COL5A1: variants seen among roughly 807,000 people sequenced by gnomAD.
COL5A1 encodes the protein collagen type V alpha 1 chain.
COL5A1 carries 16 observed loss-of-function variants against 263.7 expected under a neutral mutation model. That is an observed-to-expected ratio of 0.06 (90% CI 0.04 to 0.09). The LOEUF is 0.09. COL5A1 is among the 10% of genes least tolerant of loss of function. The probability of loss-of-function intolerance (pLI) is 1.00; values close to 1 mark genes in which losing one functional copy is unlikely to be tolerated. For synonymous variants in COL5A1, 1,012 were observed against 1,004.5 expected (o/e 1.01, Z -0.14); for missense variants, 2,036 against 2,540.5 (o/e 0.80, Z 4.27).
intron 4 of COL5A1, among the ~76,000 whole-genome samples, chr9:134,703,510 G>C (rs371194918): frequency 1.3e-5 from 2 of 152,166 alleles, no homozygotes; most frequent in East Asian, 1.9e-4. Flanking sequence ...TACCTGCACA[G>C]CTGCAGGGGA....
chr9:134,800,274 A>G (rs1379577918), intron 37 of COL5A1, among the ~76,000 whole-genome samples: 2 of 150,378 alleles, frequency 1.3e-5, no homozygotes, highest in African/African-American at 2.5e-5. Flanking sequence ...CAAGGCTCCG[A>G]TCTCCCTTCA....
At chr9:134,663,545 A>G (rs914946597) in intron 1 of COL5A1, among the ~76,000 whole-genome samples, 2 of 152,198 alleles carry the variant, frequency 1.3e-5, no homozygotes, top group African/African-American at 4.8e-5. Flanking sequence ...TTTAATATCT[A>G]TTTTTAATGA....
At chr9:134,654,130 TGCTGGGGGTGTGTAGG>T (rs1179636978) in intron 1 of COL5A1, among the ~76,000 whole-genome samples, 1 of 17,954 alleles carries the variant, frequency 5.6e-5, no homozygotes, top group East Asian at 1.6e-3. Flanking sequence ...GGGTGTGTAG[TGCTGGGGGTGTGTAGG>T]GCTGGGGGTA....
chr9:134,820,246 C>T (rs1437698202), intron 58 of COL5A1, 23 bp downstream of exon 58: 1 of 1,582,380 alleles, frequency 6.3e-7, no homozygotes, highest in Non-Finnish European at 8.7e-7. Context: ...GCACTTCTTG[C>T]ATGTGGGCTG....
At position 134,795,391 on chromosome 9, in the gene COL5A1, G is replaced by A. The variant is rs1203237385; in HGVS notation, c.2799+76G>A. 7.0e-6 allele frequency: 9 copies of A among 1,293,866 alleles called. No individual in the cohort carries two copies. The East Asian group carries it at 1.2e-4, about 17-fold the overall frequency. The allele number at this position is 1,293,866 out of a possible 1,614,324, so 80.1% of individuals were successfully genotyped here. A position where few individuals can be genotyped will look rare whatever the true frequency, so the allele number is the denominator to read the frequency against. On this transcript the variant is annotated intron_variant, in intron 34 of 65. Coordinates refer to ENST00000371817, the MANE Select transcript of COL5A1 (RefSeq NM_000093.5). ...GCTACAGAGACGTGGAGCGTCTGAG[G>A]GTGTCTGTGACCTTTTTTATTAAAA...
At chr9:134,826,325 C>T (rs1278714188) in intron 63 of COL5A1, among the ~76,000 whole-genome samples, 3 of 152,350 alleles carry the variant, frequency 2.0e-5, no homozygotes, top group South Asian at 4.1e-4. Flanking sequence ...TTCTTATTAT[C>T]CAGCCTGTTT....
chr9:134,784,145 C>T (rs1276640312), intron 29 of COL5A1, among the ~76,000 whole-genome samples: 3 of 152,130 alleles, frequency 2.0e-5, no homozygotes, highest in African/African-American at 4.8e-5. Context: ...AAATGTGTGC[C>T]GGGTTATTTT....
At chr9:134,667,520 C>T (rs6537939) in intron 1 of COL5A1, among the ~76,000 whole-genome samples, 35,561 of 152,082 alleles carry the variant, frequency 0.23, 5,226 homozygotes, top group African/African-American at 0.41. Flanking sequence ...CCCTGGTGCT[C>T]ACTTGTCACT....
intron 24 of COL5A1, among the ~76,000 whole-genome samples, chr9:134,767,974 T>C (rs1314343117): frequency 6.6e-6 from 1 of 152,168 alleles, no homozygotes; most frequent in Non-Finnish European, 1.5e-5. Flanking sequence ...GAGCTGCTGT[T>C]TATGGGATAC....
At chr9:134,788,976 A>T (rs1009558029) in intron 31 of COL5A1, among the ~76,000 whole-genome samples, 179 bp from the exon 32 acceptor site, 17 of 131,094 alleles carry the variant, frequency 1.3e-4, no homozygotes, top group South Asian at 2.7e-4. Context: ...AGGTAGATGG[A>T]TGAGTAGGTG....
In COL5A1 at chr9:134,804,981, C is replaced by G. The variant is rs751792216; in HGVS notation, c.3121C>G (p.Pro1041Ala). ...LAGKEGTKGD[P>A]GPAGLPGKDG... The stretch of plus-strand genomic sequence containing the variant: ...TCTCTGACTCTGTTTTCAGGGTGAC[C>G]CAGGCCCTGCAGGCCTCCCTGGGAA... Residue 1041 changes from proline to alanine, a missense_variant, in exon 40 of 66, where the codon CCA (proline) becomes GCA (alanine). By Grantham distance (27) the Pro-to-Ala change is conservative. This residue lies in a region of COL5A1 where 1,078 missense variants were observed against 1,521.4 expected (regional missense o/e 0.71). Coordinates refer to ENST00000371817, the MANE Select transcript of COL5A1 (RefSeq NM_000093.5). 1 of 1,613,326 alleles carries G rather than the reference C, an allele frequency of 6.2e-7. No homozygotes were observed. Among genetic ancestry groups the G allele is most frequent in the East Asian group, 2.2e-5 (1 of 44,870 alleles).
chr9:134,661,542 C>T (rs536112446), intron 1 of COL5A1, among the ~76,000 whole-genome samples: 27 of 151,956 alleles, frequency 1.8e-4, no homozygotes, highest in African/African-American at 3.6e-4. Flanking sequence ...TCTGTGAGGA[C>T]GTGCCCAGTT....
chr9:134,731,221 T>TG (rs1834867953), intron 7 of COL5A1, among the ~76,000 whole-genome samples: 3 of 152,154 alleles, frequency 2.0e-5, no homozygotes, highest in Non-Finnish European at 4.4e-5. Context: ...CCTGGGGCTG[T>TG]GGGGTGCAGC....
intron 1 of COL5A1, among the ~76,000 whole-genome samples, chr9:134,668,942 T>TCCA (rs1832439276): frequency 9.0e-6 from 1 of 110,854 alleles, no homozygotes. Flanking sequence ...CATCCATCCT[T>TCCA]CCACCCACCC....
In COL5A1 at chr9:134,742,689, G is replaced by A. The variant is rs973296987; in HGVS notation, c.1494+3881G>A. Among the ~76,000 whole-genome samples the A allele has an allele frequency of 6.6e-5, 10 of 152,224 alleles. No homozygotes were observed. Among genetic ancestry groups the A allele is most frequent in the Non-Finnish European group, 1.3e-4 (9 of 68,038 alleles). On this transcript the variant is annotated intron_variant, in intron 11 of 65. Coordinates refer to ENST00000371817, the MANE Select transcript of COL5A1 (RefSeq NM_000093.5). This position sits in a 1 kb window ranked among gnomAD's most constrained non-coding sequence, Gnocchi z 4.6. Reference sequence around the variant, plus strand: ...TGGGTTTCTTGTGGGTCTGGCTTCTGTGCCACCTGCCAGTGCGTTTCTGTA... The same window carrying A: ...TGGGTTTCTTGTGGGTCTGGCTTCTATGCCACCTGCCAGTGCGTTTCTGTA...
intron 28 of COL5A1, among the ~76,000 whole-genome samples, chr9:134,782,201 A>G (rs1201050780): frequency 2.0e-5 from 3 of 152,170 alleles, no homozygotes; most frequent in Admixed American, 2.0e-4. Flanking sequence ...TACCCTTCAG[A>G]AAGCACTGCC....
chr9:134,763,725 G>A lies in COL5A1; in HGVS notation c.2022G>A (p.Leu674=). Residue 674 remains leucine, a synonymous_variant, in exon 20 of 66, where the codon CTG becomes CTA. Coordinates refer to ENST00000371817, the MANE Select transcript of COL5A1 (RefSeq NM_000093.5). ...ACGGAGAAGTTGGGCCCAGGGGGCT[G>A]CCTGGGGAGCCCGTAAGTCTGTGAG... is the stretch of plus-strand genomic sequence containing the variant. The part of the protein sequence containing the change: ...GDDGEVGPRG[L]PGEPGPRGLL... The A allele has an allele frequency of 6.2e-7, 1 of 1,613,682 alleles. No individual in the cohort carries two copies. The highest frequency in any genetic ancestry group is 8.5e-7 in the Non-Finnish European group (1 of 1,179,744).
Position 134,742,863 on chromosome 9 carries a change from C to T in COL5A1, c.1494+4055C>T, listed in dbSNP as rs1835348401. Among the ~76,000 whole-genome samples, 1 of 152,226 alleles carries T rather than the reference C, an allele frequency of 6.6e-6. No individual in the cohort carries two copies. Among genetic ancestry groups the T allele is most frequent in the Non-Finnish European group, 1.5e-5 (1 of 68,036 alleles). On this transcript the variant is annotated intron_variant, in intron 11 of 65. Transcript: ENST00000371817. This position sits in a 1 kb window ranked among gnomAD's most constrained non-coding sequence, Gnocchi z 4.6. ...GCTGAGCAGTGTTTGCCCAGCGAAGCCCTTCCCTGGGCTCCTCGGGCAGGT... is the reference window on the plus strand; with the variant it reads ...GCTGAGCAGTGTTTGCCCAGCGAAGTCCTTCCCTGGGCTCCTCGGGCAGGT...
At chr9:134,803,176 C>T (rs749707280) in intron 39 of COL5A1, among the ~76,000 whole-genome samples, 181 bp downstream of exon 39, 14 of 152,170 alleles carry the variant, frequency 9.2e-5, no homozygotes, top group Admixed American at 7.2e-4. Context: ...CCAGGAGTCG[C>T]GCTGACCTGC....
Sources: gnomAD v4.1 joint callset for allele counts (sites outside exome capture counted in the v4.1 genomes callset) on GRCh38, gnomAD v4.1.1 for gene constraint, gnomAD v4.1.1 regional missense constraint, Gnocchi (gnomAD v3.1) non-coding constraint, MANE v1.5 for transcripts, NCBI Gene and HGNC (gene_info 2026-07-23, HGNC 2026-07-21) for gene names.